DLG2: variants seen among roughly 807,000 people sequenced by gnomAD.
DLG2 encodes disks large homolog 2.
A neutral mutation model predicts 132.5 loss-of-function variants in DLG2; 45 were observed. The observed-to-expected ratio is 0.34, with a 90% CI of 0.27 to 0.44. DLG2 has a LOEUF of 0.44. Among genes scored for constraint, DLG2 ranks in the 20% least tolerant of loss-of-function variants. The pLI, the probability that DLG2 is intolerant of heterozygous loss-of-function variation, is 1.00. For synonymous variants in DLG2, 424 were observed against 419.6 expected (o/e 1.01, Z -0.13); for missense variants, 1,045 against 1,196.9 (o/e 0.87, Z 1.87).
chr11:85,617,283 A>G (rs1374726639), intron 2 of DLG2, among the ~76,000 whole-genome samples: 1 of 152,188 alleles, frequency 6.6e-6, no homozygotes, highest in Non-Finnish European at 1.5e-5. Flanking sequence ...CAAGGCCAAA[A>G]AACAAGAAAA....
In DLG2 at chr11:85,418,313, T is replaced by C. The variant is rs528326713; in HGVS notation, c.41-132948A>G. ...TTGCACTGTGGTCTGAGAGACTGTT[T>C]ATTATGATTTCCATTCTTTTGCATT... On this transcript the variant is annotated intron_variant, in intron 3 of 27. Transcript: ENST00000376104. Among the ~76,000 whole-genome samples, 7 of 152,312 alleles carry C rather than the reference T, an allele frequency of 4.6e-5. No homozygotes were observed. In the East Asian group the frequency reaches 1.3e-3, roughly 29 times the overall value.
chr11:85,425,517 T>C (rs2153002047), intron 3 of DLG2, among the ~76,000 whole-genome samples: 1 of 152,266 alleles, frequency 6.6e-6, no homozygotes, highest in African/African-American at 2.4e-5. Context: ...GGTAACACTT[T>C]AAATTGAAAA....
intron 6 of DLG2, among the ~76,000 whole-genome samples, chr11:84,782,192 A>C (rs1943696): frequency 0.27 from 40,744 of 151,930 alleles, 5,980 homozygotes; most frequent in Middle Eastern, 0.32. Context: ...CCCACACTCC[A>C]AGATACTATC....
intron 18 of DLG2, among the ~76,000 whole-genome samples, chr11:83,645,222 G>T (rs2067809163): frequency 6.6e-6 from 1 of 152,148 alleles, no homozygotes; most frequent in African/African-American, 2.4e-5. Context: ...GAAAGGAGCT[G>T]CCATTGAGAG....
At position 83,782,988 on chromosome 11, in the gene DLG2, T is replaced by C. The variant is rs549036426; in HGVS notation, c.1825+3702A>G. On this transcript the variant is annotated intron_variant, in intron 18 of 27. Transcript: ENST00000376104. Reference sequence around the variant, plus strand: ...AGGTTTGACAATAATTAACTTTGCATAGTGCTTAAATGGAATTATTATTGA... The same window carrying C: ...AGGTTTGACAATAATTAACTTTGCACAGTGCTTAAATGGAATTATTATTGA... Among the ~76,000 whole-genome samples the C allele has an allele frequency of 6.0e-4, 91 of 152,324 alleles. 1 individual carries two copies. The South Asian group carries it at 0.017, about 29-fold the overall frequency.
At chr11:85,425,263 G>A (rs188655534) in intron 3 of DLG2, among the ~76,000 whole-genome samples, 438 of 151,990 alleles carry the variant, frequency 2.9e-3, no homozygotes, top group African/African-American at 0.01. Context: ...ATACAAAAAA[G>A]AATGCAACAG....
intron 18 of DLG2, among the ~76,000 whole-genome samples, chr11:83,759,104 G>A (rs1327477760): frequency 2.0e-5 from 3 of 152,162 alleles, no homozygotes; most frequent in African/African-American, 4.8e-5. Flanking sequence ...TGATTTAAAG[G>A]AGAGAATAAG....
intron 6 of DLG2, among the ~76,000 whole-genome samples, chr11:85,045,051 C>CA (rs2062207287): frequency 6.6e-6 from 1 of 151,950 alleles, no homozygotes; most frequent in Admixed American, 6.6e-5. Context: ...TCATTTTTGG[C>CA]AAAATATAAA....
chr11:83,900,329 G>T (rs535332170), intron 15 of DLG2, among the ~76,000 whole-genome samples: 1 of 152,158 alleles, frequency 6.6e-6, no homozygotes, highest in Non-Finnish European at 1.5e-5. Context: ...AAGTAATGAG[G>T]AGCTGAATGT....
intron 18 of DLG2, among the ~76,000 whole-genome samples, chr11:83,640,479 A>G (rs1346094068): frequency 6.6e-6 from 1 of 152,206 alleles, no homozygotes; most frequent in Non-Finnish European, 1.5e-5. Flanking sequence ...TCACTGCTCC[A>G]GGGATGAGAT....
In DLG2 at chr11:83,938,070, C is replaced by A. The variant is rs74656357; in HGVS notation, c.1341-7587G>T. Among the ~76,000 whole-genome samples the A allele has an allele frequency of 4.0e-3, 614 of 152,208 alleles. 2 individuals are homozygous for A. Among genetic ancestry groups the A allele is most frequent in the Non-Finnish European group, 6.8e-3 (460 of 67,994 alleles). On this transcript the variant is annotated intron_variant, in intron 14 of 27. Coordinates refer to ENST00000376104, the MANE Select transcript of DLG2 (RefSeq NM_001142699.3). Reference sequence around the variant, plus strand: ...GCAAAACAGAATAAAACAAAACAATCAAAATGTCCAGCAAAAGAAGGGTAT... The same window carrying A: ...GCAAAACAGAATAAAACAAAACAATAAAAATGTCCAGCAAAAGAAGGGTAT...
At chr11:83,857,493 G>A (rs1301139996) in intron 16 of DLG2, among the ~76,000 whole-genome samples, 2 of 151,996 alleles carry the variant, frequency 1.3e-5, no homozygotes, top group African/African-American at 4.8e-5. Flanking sequence ...TGAGAACCCT[G>A]GTAAGATACT....
At chr11:83,662,139 T>G (rs2153549367) in intron 18 of DLG2, among the ~76,000 whole-genome samples, 1 of 152,240 alleles carries the variant, frequency 6.6e-6, no homozygotes, top group South Asian at 2.1e-4. Context: ...GCCAGATTTG[T>G]TTGACTCCAA....
At chr11:85,025,302 G>T (rs969352043) in intron 6 of DLG2, among the ~76,000 whole-genome samples, 1 of 152,104 alleles carries the variant, frequency 6.6e-6, no homozygotes. Flanking sequence ...TTCAGAATGC[G>T]CAATACTGTT....
chr11:84,111,163 C>A (rs1452561216), intron 9 of DLG2, among the ~76,000 whole-genome samples: 3 of 152,168 alleles, frequency 2.0e-5, no homozygotes, highest in Admixed American at 2.0e-4. Context: ...ATTTTCCATG[C>A]CAGGATTGCA....
Position 85,154,622 on chromosome 11 carries a change from AT to A in DLG2, c.215del (p.Asn72MetfsTer66). 1 of 1,535,352 alleles carries A rather than the reference AT, an allele frequency of 6.5e-7. No homozygotes were observed. Among genetic ancestry groups the A allele is most frequent in the Non-Finnish European group, 8.8e-7 (1 of 1,134,158 alleles). On this transcript the variant is annotated frameshift_variant, in exon 5 of 28. Coordinates refer to ENST00000376104, the MANE Select transcript of DLG2 (RefSeq NM_001142699.3). LOFTEE classifies it high-confidence loss of function. ...CTTTATTTTGCTCAATACATGAAGCATTTTCCTTTGATCCACTGCAATCTGT... is the reference window on the plus strand; with the variant it reads ...CTTTATTTTGCTCAATACATGAAGCATTTCCTTTGATCCACTGCAATCTGT... ...ELTDCSGSKE[N>X]ASCIEQNKEN...
chr11:83,815,489 C>T (rs565142183), intron 17 of DLG2, among the ~76,000 whole-genome samples: 1 of 152,152 alleles, frequency 6.6e-6, no homozygotes, highest in Admixed American at 6.6e-5. Flanking sequence ...CCAGCTGACC[C>T]TGTGATGTGC....
At chr11:84,331,931 GAC>G (rs1236956465) in intron 7 of DLG2, among the ~76,000 whole-genome samples, 1 of 152,172 alleles carries the variant, frequency 6.6e-6, no homozygotes, top group Admixed American at 6.5e-5. Context: ...CCCAGGAACT[GAC>G]ACTGAAAAAC....
intron 18 of DLG2, among the ~76,000 whole-genome samples, chr11:83,738,571 C>A (rs1049820833): frequency 1.3e-5 from 2 of 152,022 alleles, no homozygotes; most frequent in Admixed American, 6.6e-5. Flanking sequence ...GCAGGAGATA[C>A]AGTCAGACGG....
Sources: gnomAD v4.1 joint callset for allele counts (sites outside exome capture counted in the v4.1 genomes callset) on GRCh38, gnomAD v4.1.1 for gene constraint, MANE v1.5 for transcripts, NCBI Gene and HGNC (gene_info 2026-07-23, HGNC 2026-07-21) for gene names.